Variants in GMDS observed in about 807,000 individuals in gnomAD.
GMDS encodes GDP-mannose 4,6-dehydratase.
GMDS carries 20 observed loss-of-function variants against 49.9 expected under a neutral mutation model. The ratio of observed to expected loss-of-function variants is 0.40; its 90% CI spans 0.28 to 0.58. The LOEUF is 0.58. Ranked by LOEUF, GMDS falls within the 20% of genes least tolerant of loss-of-function variation. The pLI is 0.42. For missense variants in GMDS, 362 were observed against 481.4 expected (o/e 0.75, Z 2.32); for synonymous variants, 177 against 178.6 (o/e 0.99, Z 0.07).
At chr6:1,846,080 CTTTTTTTTTTTT>C (rs11298909) in intron 7 of GMDS, among the ~76,000 whole-genome samples, 1 of 121,650 alleles carries the variant, frequency 8.2e-6, no homozygotes, top group African/African-American at 3.1e-5. Flanking sequence ...CACCATGTTT[CTTTTTTTTTTTT>C]TTTTTTTTCC....
At chr6:2,019,656 G>A (rs1465933016) in intron 4 of GMDS, among the ~76,000 whole-genome samples, 1 of 152,004 alleles carries the variant, frequency 6.6e-6, no homozygotes, top group Non-Finnish European at 1.5e-5. Context: ...CACCATGTTG[G>A]CCAGGCTGGT....
chr6:2,051,024 G>A (rs2127436799), intron 4 of GMDS, among the ~76,000 whole-genome samples: 1 of 152,144 alleles, frequency 6.6e-6, no homozygotes, highest in South Asian at 2.1e-4. Flanking sequence ...GAGTTGATGG[G>A]TGTAACAAAC....
chr6:1,695,754 C>T lies in GMDS; in HGVS notation c.987+30662G>A, dbSNP rs186917244. Among the ~76,000 whole-genome samples, 48 of 152,258 alleles carry T rather than the reference C, an allele frequency of 3.2e-4. No individual in the cohort carries two copies. The East Asian group carries it at 8.3e-3, about 26-fold the overall frequency. ...CTCTGAGGTCCTGGCACCGCCTCTT[C>T]AGAGTCCCACGTGTTCTTTTCCAGG... On this transcript the variant is annotated intron_variant, in intron 9 of 10. Transcript: ENST00000380815.
intron 7 of GMDS, among the ~76,000 whole-genome samples, chr6:1,926,235 G>A (rs1180239780): frequency 1.3e-5 from 2 of 152,180 alleles, no homozygotes; most frequent in Admixed American, 1.3e-4. Context: ...TGGAGATAAG[G>A]AAAGGGGTCT....
At chr6:1,716,164 C>T (rs1448190149) in intron 9 of GMDS, among the ~76,000 whole-genome samples, 1 of 152,170 alleles carries the variant, frequency 6.6e-6, no homozygotes, top group Non-Finnish European at 1.5e-5. Flanking sequence ...AGATTAAAAA[C>T]ATCTTTAGAT....
In GMDS at chr6:1,971,747, A is replaced by AC. The variant is rs1764626943; in HGVS notation, c.346-10782dup. Among the ~76,000 whole-genome samples, 4 of 152,332 alleles carry AC rather than the reference A, an allele frequency of 2.6e-5. No individual in the cohort carries two copies. In the South Asian group the frequency reaches 8.3e-4, roughly 32 times the overall value. ...CCATCTCTCACCCCTACTGCTTAGC[A>AC]CACAGGAGGGCTGGAAAATATTTGT... On this transcript the variant is annotated intron_variant, in intron 4 of 10. Transcript: ENST00000380815.
At chr6:1,965,659 CA>C (rs943505448) in intron 4 of GMDS, among the ~76,000 whole-genome samples, 2 of 151,592 alleles carry the variant, frequency 1.3e-5, no homozygotes, top group Non-Finnish European at 1.5e-5. Flanking sequence ...CCTATGTCTA[CA>C]AAAAAAATTA....
At chr6:1,881,042 A>G (rs1759338159) in intron 7 of GMDS, among the ~76,000 whole-genome samples, 1 of 152,340 alleles carries the variant, frequency 6.6e-6, no homozygotes, top group East Asian at 1.9e-4. Context: ...CAAAAGTAAG[A>G]TCATTCCAGC....
At chr6:1,723,767 T>C (rs753275843) in intron 9 of GMDS, among the ~76,000 whole-genome samples, 2 of 152,160 alleles carry the variant, frequency 1.3e-5, no homozygotes, top group African/African-American at 2.4e-5. Flanking sequence ...CAGGATGGAC[T>C]GAGTCCCTGA....
intron 4 of GMDS, among the ~76,000 whole-genome samples, chr6:2,089,142 T>C (rs1417347166): frequency 6.6e-6 from 1 of 152,192 alleles, no homozygotes; most frequent in African/African-American, 2.4e-5. Flanking sequence ...CATGAATAAA[T>C]GGTGCTCAAT....
intron 7 of GMDS, among the ~76,000 whole-genome samples, chr6:1,870,047 G>A (rs1481832504): frequency 6.6e-6 from 1 of 152,242 alleles, no homozygotes; most frequent in Admixed American, 6.5e-5. Flanking sequence ...GTTGTGCCTG[G>A]GGCCTGCCTT....
intron 4 of GMDS, among the ~76,000 whole-genome samples, chr6:2,110,543 T>G (rs1774488629): frequency 6.6e-6 from 1 of 152,174 alleles, no homozygotes; most frequent in African/African-American, 2.4e-5. Flanking sequence ...CAGTCAACTC[T>G]GCCTCCTGAC....
rs114929961 is a variant in GMDS, at chr6:2,084,012, G to C, written c.345+31759C>G. ...TATGTCTCAAGGACAGTTCTGGGCA[G>C]AGAAAACCAAATTAACAAATACTTA... On this transcript the variant is annotated intron_variant, in intron 4 of 10. Coordinates refer to ENST00000380815, the MANE Select transcript of GMDS (RefSeq NM_001500.4). 4.5e-3 allele frequency among the ~76,000 whole-genome samples: 689 copies of C among 152,288 alleles called. 5 individuals are homozygous for C. Among genetic ancestry groups the C allele is most frequent in the African/African-American group, 0.016 (651 of 41,550 alleles).
intron 4 of GMDS, among the ~76,000 whole-genome samples, chr6:1,985,209 C>CG (rs1484020308): frequency 6.6e-6 from 1 of 152,174 alleles, no homozygotes; most frequent in Non-Finnish European, 1.5e-5. Flanking sequence ...TTCCACTGAA[C>CG]AGAGCTGTTA....
intron 7 of GMDS, among the ~76,000 whole-genome samples, chr6:1,745,945 C>A (rs974102290): frequency 4.6e-5 from 7 of 152,164 alleles, no homozygotes; most frequent in Non-Finnish European, 7.4e-5. Context: ...TGCATCCCGT[C>A]GTAATGCTAG....
intron 6 of GMDS, chr6:1,951,883 A>C (rs1345619163): frequency 2.0e-6 from 2 of 985,038 alleles, no homozygotes; most frequent in African/African-American, 3.5e-5. Flanking sequence ...TACAAAGATA[A>C]GAGCAGCTGA....
chr6:1,772,709 G>A (rs1768629914), intron 7 of GMDS, among the ~76,000 whole-genome samples: 1 of 152,160 alleles, frequency 6.6e-6, no homozygotes. Flanking sequence ...AAGCCTGGCT[G>A]AAAAACTGGT....
chr6:1,746,826 C>T (rs1178698015), intron 7 of GMDS, among the ~76,000 whole-genome samples: 1 of 151,938 alleles, frequency 6.6e-6, no homozygotes, highest in African/African-American at 2.4e-5. Flanking sequence ...CTCAGACTCC[C>T]GAGTAGCTGG....
intron 7 of GMDS, among the ~76,000 whole-genome samples, chr6:1,921,626 T>C (rs1307395858): frequency 6.6e-6 from 1 of 152,216 alleles, no homozygotes; most frequent in Non-Finnish European, 1.5e-5. Flanking sequence ...TTGCTTAATC[T>C]AAACATTTTA....
Sources: gnomAD v4.1 joint callset for allele counts (sites outside exome capture counted in the v4.1 genomes callset) on GRCh38, gnomAD v4.1.1 for gene constraint, MANE v1.5 for transcripts, NCBI Gene and HGNC (gene_info 2026-07-23, HGNC 2026-07-21) for gene names.